Variants in PARD3B observed in about 807,000 individuals in gnomAD.
The protein encoded by PARD3B is par-3 family cell polarity regulator beta, also known as partitioning defective 3 homolog B.
Under a neutral mutation model 130.2 loss-of-function variants are expected in PARD3B, and 103 were observed. The ratio of observed to expected loss-of-function variants is 0.79; its 90% CI spans 0.67 to 0.93. The LOEUF (loss-of-function observed/expected upper bound fraction) is 0.93, where lower values mean the gene tolerates loss of function less well. PARD3B is among the 40% of genes least tolerant of loss of function. The pLI, the probability that PARD3B is intolerant of heterozygous loss-of-function variation, is 0.00. For missense variants in PARD3B, 1,609 were observed against 1,499.2 expected (o/e 1.07, Z -1.21); for synonymous variants, 583 against 553.2 (o/e 1.05, Z -0.76).
chr2:205,350,115 C>G (rs565405416), intron 18 of PARD3B, among the ~76,000 whole-genome samples: 33 of 152,200 alleles, frequency 2.2e-4, no homozygotes, highest in African/African-American at 7.9e-4. Flanking sequence ...TCAGAAAGAC[C>G]TGGGTTTCTG....
rs544556039 is a variant in PARD3B at position 205,568,758 on chromosome 2, A to G, written c.3260+15355A>G. 3.9e-5 allele frequency among the ~76,000 whole-genome samples: 6 copies of G among 152,304 alleles called. No homozygotes were observed. The highest frequency in any genetic ancestry group is 1.9e-4 in the East Asian group (1 of 5,182). On this transcript the variant is annotated intron_variant, in intron 22 of 22. Transcript: ENST00000406610. This position sits in a 1 kb window ranked among gnomAD's most constrained non-coding sequence, Gnocchi z 5.3. ...AGATGGCCCTGGTCGTGTGTCTTCC[A>G]TGGTCTCCACAGTCTCACCTTAGCC... is the stretch of plus-strand genomic sequence containing the variant.
At chr2:205,030,222 A>G (rs1559369419) in intron 3 of PARD3B, among the ~76,000 whole-genome samples, 1 of 152,130 alleles carries the variant, frequency 6.6e-6, no homozygotes, top group Non-Finnish European at 1.5e-5. Context: ...TCAGAGGAAG[A>G]AGCATGAGCT....
intron 4 of PARD3B, among the ~76,000 whole-genome samples, chr2:205,086,808 G>T (rs1036699193): frequency 4.6e-5 from 7 of 152,132 alleles, no homozygotes; most frequent in Non-Finnish European, 7.4e-5. Flanking sequence ...AAGCCCACAG[G>T]GGTGGGTGTG....
chr2:205,188,107 A>G (rs956978679), intron 14 of PARD3B, among the ~76,000 whole-genome samples: 2 of 152,228 alleles, frequency 1.3e-5, no homozygotes, highest in East Asian at 1.9e-4. Flanking sequence ...AGCATTAGAT[A>G]CAAAATGCAA....
chr2:205,006,468 T>G (rs1695273821), intron 3 of PARD3B, among the ~76,000 whole-genome samples: 1 of 152,164 alleles, frequency 6.6e-6, no homozygotes. Flanking sequence ...CACACCAACA[T>G]CTATTGTTTT....
intron 1 of PARD3B, among the ~76,000 whole-genome samples, chr2:204,553,176 T>C (rs2030594726): frequency 6.6e-6 from 1 of 152,046 alleles, no homozygotes; most frequent in South Asian, 2.1e-4. Context: ...TCACTAATGA[T>C]CAGGGAAGTG....
intron 21 of PARD3B, among the ~76,000 whole-genome samples, chr2:205,520,323 C>T (rs2050985006): frequency 6.6e-6 from 1 of 151,944 alleles, no homozygotes; most frequent in African/African-American, 2.4e-5. Context: ...ATGGACTGTC[C>T]TCCTCTCCTT....
chr2:205,075,683 C>A (rs1387752389), intron 4 of PARD3B, among the ~76,000 whole-genome samples: 72 of 139,586 alleles, frequency 5.2e-4, no homozygotes, highest in African/African-American at 8.9e-4. Context: ...GCCATTCTAA[C>A]AAAAAAAAAA....
In PARD3B at chr2:205,241,482, G is replaced by T. The variant is rs1336530377; in HGVS notation, c.2141-4296G>T. 1.3e-5 allele frequency among the ~76,000 whole-genome samples: 2 copies of T among 152,054 alleles called. No homozygotes were observed. Among genetic ancestry groups the T allele is most frequent in the African/African-American group, 4.8e-5 (2 of 41,406 alleles). Reference sequence around the variant, plus strand: ...TTTCATTGGTATCTCTTCAATTATTGTAATATCCATTTACGATAATCAAGA... The same window carrying T: ...TTTCATTGGTATCTCTTCAATTATTTTAATATCCATTTACGATAATCAAGA... On this transcript the variant is annotated intron_variant, in intron 15 of 22. Transcript: ENST00000406610. The surrounding 1 kb of genome is among the most constrained non-coding windows in gnomAD (Gnocchi z 4.2).
Position 205,389,683 on chromosome 2 carries a change from T to C in PARD3B, c.2631-11330T>C, listed in dbSNP as rs1214818695. Among the ~76,000 whole-genome samples, 3 of 152,228 alleles carry C rather than the reference T, an allele frequency of 2.0e-5. No individual in the cohort carries two copies. The East Asian group carries it at 5.8e-4, about 29-fold the overall frequency. ...CTCTTAATGGTAGGATGCAATCTAA[T>C]GTCAAAGATGTGTAGCGTCAAAACT... is the stretch of plus-strand genomic sequence containing the variant. On this transcript the variant is annotated intron_variant, in intron 18 of 22. Transcript: ENST00000406610.
At chr2:204,961,368 G>A (rs888829184) in intron 2 of PARD3B, among the ~76,000 whole-genome samples, 5 of 152,228 alleles carry the variant, frequency 3.3e-5, no homozygotes, top group African/African-American at 9.6e-5. Flanking sequence ...GGGAGACAGA[G>A]CAAGAGGGGA....
intron 1 of PARD3B, among the ~76,000 whole-genome samples, chr2:204,624,629 A>G (rs944505831): frequency 1.3e-5 from 2 of 152,128 alleles, no homozygotes; most frequent in African/African-American, 4.8e-5. Context: ...CCATTCACCT[A>G]TCGTGGACAT....
rs2035925888 is a variant in PARD3B at position 204,664,039 on chromosome 2, G to T, written c.121-22142G>T. Among the ~76,000 whole-genome samples the T allele has an allele frequency of 6.6e-6, 1 of 152,252 alleles. No individual in the cohort carries two copies. The highest frequency in any genetic ancestry group is 1.5e-5 in the Non-Finnish European group (1 of 68,008). On this transcript the variant is annotated intron_variant, in intron 1 of 22. Coordinates refer to ENST00000406610, the MANE Select transcript of PARD3B (RefSeq NM_001302769.2). The surrounding 1 kb of genome is among the most constrained non-coding windows in gnomAD (Gnocchi z 5.2). ...TGACAGTAAACTCATATTGTTCAAA[G>T]AATAGGGCCCTTAATTGGGTGGGAT...
chr2:204,880,458 G>A (rs918933815), intron 2 of PARD3B, among the ~76,000 whole-genome samples: 2 of 151,956 alleles, frequency 1.3e-5, no homozygotes, highest in Middle Eastern at 3.4e-3. Flanking sequence ...TCAGGAGATC[G>A]AGACCATCCT....
At chr2:205,464,614 G>A (rs2048561442) in intron 20 of PARD3B, among the ~76,000 whole-genome samples, 1 of 152,216 alleles carries the variant, frequency 6.6e-6, no homozygotes, top group Middle Eastern at 3.4e-3. Flanking sequence ...TAGCATTTAT[G>A]GAAAGGCTCT....
At chr2:204,571,037 A>G (rs1456413790) in intron 1 of PARD3B, among the ~76,000 whole-genome samples, 1 of 152,168 alleles carries the variant, frequency 6.6e-6, no homozygotes, top group African/African-American at 2.4e-5. Context: ...ACTGAGGTGT[A>G]TAAGCTGTTA....
intron 4 of PARD3B, among the ~76,000 whole-genome samples, chr2:205,081,862 A>G (rs904190006): frequency 3.9e-5 from 6 of 152,096 alleles, no homozygotes; most frequent in South Asian, 2.1e-4. Flanking sequence ...TAATGTATTT[A>G]TATGGCCTAG....
chr2:204,997,882 TATAAA>T (rs1694362618), intron 3 of PARD3B, among the ~76,000 whole-genome samples: 1 of 149,372 alleles, frequency 6.7e-6, no homozygotes, highest in Admixed American at 6.7e-5. Context: ...CTTTAAATAT[TATAAA>T]ATATTTACAG....
At chr2:204,746,896 G>C (rs557583393) in intron 2 of PARD3B, among the ~76,000 whole-genome samples, 1 of 152,244 alleles carries the variant, frequency 6.6e-6, no homozygotes, top group South Asian at 2.1e-4. Context: ...CAGATGAGTA[G>C]ATTGCAAAAG....
Sources: allele counts gnomAD v4.1 joint callset (sites outside exome capture counted in the v4.1 genomes callset), GRCh38; gene constraint gnomAD v4.1.1; non-coding constraint Gnocchi (gnomAD v3.1); transcripts MANE v1.5; gene names NCBI Gene and HGNC (gene_info 2026-07-23, HGNC 2026-07-21).